ACP7: variants seen among roughly 807,000 people sequenced by gnomAD.
ACP7 encodes acid phosphatase type 7.
Under a neutral mutation model 60.6 loss-of-function variants are expected in ACP7, and 58 were observed. The observed-to-expected ratio is 0.96, with a 90% confidence interval of 0.77 to 1.19. The LOEUF is 1.19. Ranked by LOEUF, ACP7 falls within the 50% of genes most tolerant of loss-of-function variation. The pLI is 0.00. For synonymous variants in ACP7, 237 were observed against 232.6 expected (o/e 1.02, Z -0.17); for missense variants, 574 against 596.2 (o/e 0.96, Z 0.39).
In ACP7 at chr19:39,100,739, C is replaced by A; in HGVS notation, c.693C>A (p.Ser231Arg). ...MPGDNEGLWY[S>R]WDLGPAHIIS... ...GACCCCTGCCCTTTGACTCCTCCAG[C>A]TGGGATCTGGGTCCCGCCCACATCA... The change falls in exon 7 of 13, where the codon AGC (serine) becomes AGA (arginine). Residue 231 changes from serine (S) to arginine (R), a missense_variant and splice_region_variant. Ser to Arg is a moderately radical substitution (Grantham distance 110). Coordinates refer to ENST00000331256, the MANE Select transcript of ACP7 (RefSeq NM_001004318.3). 6.2e-7 allele frequency: 1 copy of A among 1,613,890 alleles called. No homozygotes were observed. The highest frequency in any genetic ancestry group is 8.5e-7 in the Non-Finnish European group (1 of 1,179,838).
At chr19:39,086,660 A>C (rs2073146005) in intron 2 of ACP7, among the ~76,000 whole-genome samples, 1 of 149,060 alleles carries the variant, frequency 6.7e-6, no homozygotes. Flanking sequence ...GGAGGGGGAT[A>C]GAACGGAGCT....
In ACP7 at chr19:39,098,942, T is replaced by C; in HGVS notation, c.323-18T>C. 6.2e-7 allele frequency: 1 copy of C among 1,602,604 alleles called. No individual in the cohort carries two copies. Among genetic ancestry groups the C allele is most frequent in the Admixed American group, 1.7e-5 (1 of 59,374 alleles). On this transcript the variant is annotated intron_variant, in intron 3 of 12. Coordinates refer to ENST00000331256, the MANE Select transcript of ACP7 (RefSeq NM_001004318.3). ...CGGGGCGCCCCAGCTGACTGCGACC[T>C]TTTCCTCTCCCATTCAGTTTATCGC...
intron 11 of ACP7, among the ~76,000 whole-genome samples, chr19:39,102,555 C>T (rs2145023947): frequency 6.6e-6 from 1 of 152,052 alleles, no homozygotes; most frequent in African/African-American, 2.4e-5. Context: ...AAACTCCTCA[C>T]CTCAAGTGAT....
chr19:39,095,683 G>A (rs1372297008), intron 2 of ACP7, among the ~76,000 whole-genome samples: 1 of 152,214 alleles, frequency 6.6e-6, no homozygotes, highest in Non-Finnish European at 1.5e-5. Context: ...GACTCTGTGT[G>A]GGGGCTCCAG....
In ACP7 at chr19:39,101,506, G is replaced by A. The variant is rs371841918; in HGVS notation, c.1082G>A (p.Arg361Gln). Reference sequence around the variant, plus strand: ...CGAGAGATGCCCTACACCAACCCGCGAGGGCCTGTCCACATCATCACAGGA... The same window carrying A: ...CGAGAGATGCCCTACACCAACCCGCAAGGGCCTGTCCACATCATCACAGGA... ...GSREMPYTNP[R>Q]GPVHIITGSA... The change falls in exon 11 of 13, where the codon CGA (arginine) becomes CAA (glutamine). Residue 361 changes from arginine (R) to glutamine (Q), a missense_variant. Transcript: ENST00000331256. 1.6e-5 allele frequency: 26 copies of A among 1,613,986 alleles called. No individual in the cohort carries two copies. The highest frequency in any genetic ancestry group is 8.0e-5 in the African/African-American group (6 of 74,920).
At chr19:39,094,374 G>C (rs572397788) in intron 2 of ACP7, among the ~76,000 whole-genome samples, 2 of 151,774 alleles carry the variant, frequency 1.3e-5, no homozygotes, top group Admixed American at 6.6e-5. Flanking sequence ...ATGGTGGCAC[G>C]CACCTGTAAT....
At chr19:39,093,172 C>CTCCTTCCTTCCTTCCTTCCTTCCT (rs1358401524) in intron 2 of ACP7, among the ~76,000 whole-genome samples, 2 of 80,858 alleles carry the variant, frequency 2.5e-5, no homozygotes, top group African/African-American at 5.1e-5. Flanking sequence ...CTTTCTTTCT[C>CTCCTTCCTTCCTTCCTTCCTTCCT]TCCTTCCTTC....
intron 2 of ACP7, among the ~76,000 whole-genome samples, chr19:39,092,611 T>C (rs1458008884): frequency 6.6e-6 from 1 of 152,232 alleles, no homozygotes; most frequent in Non-Finnish European, 1.5e-5. Flanking sequence ...CTATTCCATA[T>C]TGGGTTCCCC....
intron 2 of ACP7, among the ~76,000 whole-genome samples, chr19:39,090,543 C>T (rs191771731): frequency 5.9e-5 from 9 of 152,086 alleles, no homozygotes; most frequent in African/African-American, 9.6e-5. Context: ...ATTGCAGTGG[C>T]GCGATCTCAG....
intron 2 of ACP7, among the ~76,000 whole-genome samples, chr19:39,095,535 G>A (rs1034265401): frequency 1.3e-5 from 2 of 152,212 alleles, no homozygotes; most frequent in Admixed American, 1.3e-4. Flanking sequence ...CCTCCCTCCT[G>A]GCTGCTTTCA....
intron 11 of ACP7, among the ~76,000 whole-genome samples, chr19:39,101,987 G>A (rs2073351757): frequency 6.6e-6 from 1 of 151,824 alleles, no homozygotes; most frequent in Non-Finnish European, 1.5e-5. Context: ...GGGCGAGGTG[G>A]TGCTTGCTTG....
At chr19:39,102,381 C>CTTT (rs36113504) in intron 11 of ACP7, among the ~76,000 whole-genome samples, 3 of 147,066 alleles carry the variant, frequency 2.0e-5, no homozygotes, top group Admixed American at 6.8e-5. Flanking sequence ...TGTCATGTTT[C>CTTT]TTTTTTTTTT....
chr19:39,091,742 T>G (rs1277384975), intron 2 of ACP7, among the ~76,000 whole-genome samples: 1 of 151,426 alleles, frequency 6.6e-6, no homozygotes, highest in Non-Finnish European at 1.5e-5. Context: ...AAACCCCATC[T>G]CTACCAAAAC....
At chr19:39,098,309 G>A (rs1245060222) in intron 2 of ACP7, 149 bp from the exon 3 acceptor site, 2 of 446,506 alleles carry the variant, frequency 4.5e-6, no homozygotes, top group Non-Finnish European at 7.6e-6. Context: ...AGAAATGGCG[G>A]GGCTGGGATT....
rs958079900 is a variant in ACP7 at position 39,098,732 on chromosome 19, T to C, written c.322+74T>C. Reference sequence around the variant, plus strand: ...TGGGATGCAGACTAGAAGCTACCACTGGCCGGTGGCTCAGGCTGGGCTGGT... The same window carrying C: ...TGGGATGCAGACTAGAAGCTACCACCGGCCGGTGGCTCAGGCTGGGCTGGT... On this transcript the variant is annotated intron_variant, in intron 3 of 12. Coordinates refer to ENST00000331256, the MANE Select transcript of ACP7 (RefSeq NM_001004318.3). 4.1e-6 allele frequency: 6 copies of C among 1,468,266 alleles called. No homozygotes were observed. In the African/African-American group the frequency reaches 5.6e-5, roughly 14 times the overall value. The allele number at this position is 1,468,266 out of a possible 1,614,324, so 91.0% of individuals were successfully genotyped here. A position where few individuals can be genotyped will look rare whatever the true frequency, so the allele number is the denominator to read the frequency against.
In ACP7 at chr19:39,110,234, A is replaced by G; in HGVS notation, c.*116A>G. 1.0e-6 allele frequency: 1 copy of G among 963,810 alleles called. No homozygotes were observed. Among genetic ancestry groups the G allele is most frequent in the Non-Finnish European group, 1.6e-6 (1 of 619,018 alleles). 59.7% of individuals were successfully genotyped at this position (963,810 alleles called of 1,614,324 possible). On this transcript the variant is annotated 3_prime_UTR_variant, in exon 13 of 13. Transcript: ENST00000331256. ...GGGCCCTGACTCCCCTGCCCTCCAG[A>G]GGCCCCATGTAGGGTACATGCAGCC...
At chr19:39,105,628 C>T (rs748465097) in intron 11 of ACP7, among the ~76,000 whole-genome samples, 2 of 152,112 alleles carry the variant, frequency 1.3e-5, no homozygotes, top group Non-Finnish European at 2.9e-5. Context: ...TTAAGCAATT[C>T]TCCCACCTCA....
At chr19:39,100,155 C>T (rs755927435) in intron 4 of ACP7, 72 bp from the exon 5 acceptor site, 5 of 1,584,554 alleles carry the variant, frequency 3.2e-6, no homozygotes, top group Admixed American at 3.4e-5. Context: ...AGTCACCATA[C>T]CTGGCTCTCT....
Position 39,100,661 on chromosome 19 carries a change from G to A in ACP7, c.692+19G>A, listed in dbSNP as rs1475977626. On this transcript the variant is annotated intron_variant, in intron 6 of 12. Transcript: ENST00000331256. ...GGTACAGGTAATGTGGGGGTGCTGG[G>A]GGACTGGCCCTCTCCCCTGAAGGAT... 1 of 1,613,794 alleles carries A rather than the reference G, an allele frequency of 6.2e-7. No homozygotes were observed. The highest frequency in any genetic ancestry group is 8.5e-7 in the Non-Finnish European group (1 of 1,179,762).
Sources: allele counts gnomAD v4.1 joint callset (sites outside exome capture counted in the v4.1 genomes callset), GRCh38; gene constraint gnomAD v4.1.1; transcripts MANE v1.5; gene names NCBI Gene and HGNC (gene_info 2026-07-23, HGNC 2026-07-21).